FGF12: variants seen among roughly 807,000 people sequenced by gnomAD.
The protein encoded by FGF12 is fibroblast growth factor 12B.
FGF12 carries 14 observed loss-of-function variants against 23.6 expected under a neutral mutation model. The ratio of observed to expected loss-of-function variants is 0.59; its 90% CI spans 0.39 to 0.93. The LOEUF is 0.93. FGF12 is among the 40% of genes least tolerant of loss of function. The pLI, the probability that FGF12 is intolerant of heterozygous loss-of-function variation, is 0.00. For synonymous variants in FGF12, 62 were observed against 77.3 expected (o/e 0.80, Z 1.04); for missense variants, 175 against 217.8 (o/e 0.80, Z 1.24).
chr3:192,564,027 G>A (rs960433988), intron 2 of FGF12, among the ~76,000 whole-genome samples: 1 of 143,034 alleles, frequency 7.0e-6, no homozygotes, highest in Admixed American at 6.8e-5. Flanking sequence ...TAGACTATGT[G>A]TAGTTTTTTG....
chr3:192,178,208 T>C (rs1235592783), intron 4 of FGF12, among the ~76,000 whole-genome samples: 4 of 152,118 alleles, frequency 2.6e-5, no homozygotes, highest in African/African-American at 4.8e-5. Context: ...TCTTACTTTA[T>C]AGCTATATTA....
intron 2 of FGF12, among the ~76,000 whole-genome samples, chr3:192,615,933 C>T (rs1161797005): frequency 6.6e-6 from 1 of 151,420 alleles, no homozygotes. Context: ...CAAAATATCA[C>T]ATTTATCTAC....
intron 2 of FGF12, among the ~76,000 whole-genome samples, chr3:192,520,931 T>A (rs1178711913): frequency 6.6e-6 from 1 of 152,186 alleles, no homozygotes; most frequent in Non-Finnish European, 1.5e-5. Context: ...ATAAGTAACC[T>A]TGTGTGTAGC....
chr3:192,500,777 A>G (rs1306194940), intron 2 of FGF12, among the ~76,000 whole-genome samples: 1 of 152,222 alleles, frequency 6.6e-6, no homozygotes, highest in Admixed American at 6.5e-5. Context: ...AGCTTTGCAT[A>G]TATTAACTCA....
intron 2 of FGF12, among the ~76,000 whole-genome samples, chr3:192,544,040 GC>G (rs1359030511): frequency 6.6e-6 from 1 of 152,194 alleles, no homozygotes; most frequent in African/African-American, 2.4e-5. Context: ...TAGGTCACAT[GC>G]CCCCCAAGTT....
At chr3:192,726,097 G>A (rs1046533682) in intron 2 of FGF12, among the ~76,000 whole-genome samples, 3 of 152,170 alleles carry the variant, frequency 2.0e-5, no homozygotes, top group African/African-American at 7.2e-5. Context: ...ACATAGAACT[G>A]CTATCATTCA....
chr3:192,335,336 C>A (rs1717342677), intron 4 of FGF12, 25 bp downstream of exon 4: 4 of 1,493,248 alleles, frequency 2.7e-6, no homozygotes, highest in Admixed American at 1.7e-5. Flanking sequence ...CACATACACA[C>A]AAATACACAC....
intron 2 of FGF12, among the ~76,000 whole-genome samples, chr3:192,461,825 C>T (rs1331908123): frequency 6.6e-6 from 1 of 151,988 alleles, no homozygotes; most frequent in Non-Finnish European, 1.5e-5. Context: ...CCCGTCTCTA[C>T]TAAAAATACA....
intron 2 of FGF12, among the ~76,000 whole-genome samples, chr3:192,428,721 T>C (rs1721764652): frequency 6.6e-6 from 1 of 152,160 alleles, no homozygotes; most frequent in Non-Finnish European, 1.5e-5. Flanking sequence ...AAAAAACCTG[T>C]ATATTTTACA....
rs1713547908 is a variant in FGF12, at chr3:192,143,942, G to A, written c.*67C>T. ...TCTCCTTGGGTGGATTTACTGGAAG[G>A]AAATGGGTAAATGGGAAGGAAGGGA... On this transcript the variant is annotated 3_prime_UTR_variant, in exon 6 of 6. Transcript: ENST00000445105. 1.0e-6 allele frequency: 1 copy of A among 999,806 alleles called. No homozygotes were observed. The highest frequency in any genetic ancestry group is 2.5e-5 in the East Asian group (1 of 40,568). 61.9% of individuals were successfully genotyped at this position (999,806 alleles called of 1,614,324 possible). A position where few individuals can be genotyped will look rare whatever the true frequency, so the allele number is the denominator to read the frequency against.
At chr3:192,222,335 A>G (rs889460374) in intron 4 of FGF12, among the ~76,000 whole-genome samples, 9 of 152,194 alleles carry the variant, frequency 5.9e-5, no homozygotes, top group Admixed American at 2.0e-4. Flanking sequence ...TTCGGCTGTA[A>G]CATGTCCTTA....
intron 4 of FGF12, among the ~76,000 whole-genome samples, chr3:192,191,571 C>T (rs1055173109): frequency 2.6e-5 from 4 of 152,188 alleles, no homozygotes; most frequent in African/African-American, 7.2e-5. Flanking sequence ...CACAGTGGCT[C>T]ACGCCTATAA....
In FGF12 at chr3:192,360,267, A is replaced by G. The variant is rs539495996; in HGVS notation, c.124+161T>C. 3.9e-5 allele frequency among the ~76,000 whole-genome samples: 6 copies of G among 152,300 alleles called. No homozygotes were observed. The highest frequency in any genetic ancestry group is 8.8e-5 in the Non-Finnish European group (6 of 68,026). On this transcript the variant is annotated intron_variant, in intron 3 of 5. Coordinates refer to ENST00000445105, the MANE Select transcript of FGF12 (RefSeq NM_004113.6). The surrounding 1 kb of genome is among the most constrained non-coding windows in gnomAD (Gnocchi z 4.3). ...TCCTATACTGTCTTTGCTGTAGGAA[A>G]TCATAGCAAGAAGGATAAAGGAAAA... is the stretch of plus-strand genomic sequence containing the variant.
At chr3:192,338,912 G>C (rs1401199931) in intron 3 of FGF12, among the ~76,000 whole-genome samples, 2 of 152,144 alleles carry the variant, frequency 1.3e-5, no homozygotes, top group Admixed American at 6.5e-5. Flanking sequence ...ACTGTGAGAA[G>C]GAGAAAAGAC....
intron 2 of FGF12, among the ~76,000 whole-genome samples, chr3:192,606,056 A>G (rs1714324904): frequency 6.6e-6 from 1 of 152,214 alleles, no homozygotes; most frequent in Non-Finnish European, 1.5e-5. Context: ...TCTACCAAAA[A>G]GACCCATGCA....
intron 5 of FGF12, among the ~76,000 whole-genome samples, chr3:192,170,122 G>T (rs1284200566): frequency 1.5e-5 from 2 of 130,314 alleles, no homozygotes; most frequent in African/African-American, 3.2e-5. Flanking sequence ...CCAAGTATTT[G>T]TAATAGAATT....
At chr3:192,420,221 T>G (rs1456961078) in intron 2 of FGF12, among the ~76,000 whole-genome samples, 1 of 152,104 alleles carries the variant, frequency 6.6e-6, no homozygotes, top group Non-Finnish European at 1.5e-5. Context: ...AATCGTGCTA[T>G]TAGGAGCTCT....
intron 2 of FGF12, among the ~76,000 whole-genome samples, chr3:192,485,190 A>G (rs1443941530): frequency 6.6e-6 from 1 of 152,170 alleles, no homozygotes; most frequent in Non-Finnish European, 1.5e-5. Context: ...TTAGAAGTAG[A>G]CATATTCTAA....
chr3:192,527,619 T>G (rs1724976768), intron 2 of FGF12, among the ~76,000 whole-genome samples: 1 of 152,370 alleles, frequency 6.6e-6, no homozygotes, highest in South Asian at 2.1e-4. Flanking sequence ...TTCAGCATCC[T>G]GGGCTTATGT....
Sources: allele counts gnomAD v4.1 joint callset (sites outside exome capture counted in the v4.1 genomes callset), GRCh38; gene constraint gnomAD v4.1.1; non-coding constraint Gnocchi (gnomAD v3.1); transcripts MANE v1.5; gene names NCBI Gene and HGNC (gene_info 2026-07-23, HGNC 2026-07-21).